DOCK11: variants seen among roughly 807,000 people sequenced by gnomAD.
DOCK11 encodes dedicator of cytokinesis protein 11.
DOCK11 carries 70 observed loss-of-function variants against 169.1 expected under a neutral mutation model. That is an observed-to-expected ratio of 0.41 (90% CI 0.34 to 0.51). The LOEUF (loss-of-function observed/expected upper bound fraction) is 0.51, where lower values mean the gene tolerates loss of function less well. Among genes scored for constraint, DOCK11 ranks in the 20% least tolerant of loss-of-function variants. The probability of loss-of-function intolerance (pLI) is 0.10; values close to 1 mark genes in which losing one functional copy is unlikely to be tolerated. For missense variants in DOCK11, 1,166 were observed against 1,538.8 expected (o/e 0.76, Z 4.05); for synonymous variants, 529 against 541.3 (o/e 0.98, Z 0.32).
chrX:118,586,391 C>T (rs1444331532), intron 16 of DOCK11, among the ~76,000 whole-genome samples: 1 of 110,889 alleles, frequency 9.0e-6, no homozygotes, highest in Non-Finnish European at 1.9e-5. Context: ...TTTGTGGTGG[C>T]AGGCGAGATA....
chrX:118,598,214 C>A, intron 22 of DOCK11, 98 bp downstream of exon 22: 1 of 589,586 alleles, frequency 1.7e-6, no homozygotes, highest in Non-Finnish European at 2.6e-6. Context: ...GAATATGTGA[C>A]CTGCAAGATT....
intron 20 of DOCK11, among the ~76,000 whole-genome samples, chrX:118,593,947 A>G (rs1258614296): frequency 8.9e-6 from 1 of 112,275 alleles, no homozygotes; most frequent in Non-Finnish European, 1.9e-5. Context: ...ATTCTCAAAA[A>G]GAAACACATA....
At chrX:118,544,658 T>A (rs2012181091) in intron 4 of DOCK11, among the ~76,000 whole-genome samples, 1 of 51,581 alleles carries the variant, frequency 1.9e-5, no homozygotes, top group East Asian at 5.1e-4. Flanking sequence ...TTTTTTTTTT[T>A]TTTTTTTTTT....
intron 1 of DOCK11, among the ~76,000 whole-genome samples, chrX:118,528,199 C>T (rs1177704002): frequency 8.9e-6 from 1 of 112,211 alleles, no homozygotes; most frequent in Non-Finnish European, 1.9e-5. Context: ...CCTTGAGGGG[C>T]AGGCCTGAGA....
chrX:118,578,124 G>GAGCAGTAAAGTTTCTTTTTCCTTCTT, intron 12 of DOCK11, among the ~76,000 whole-genome samples: 1 of 112,077 alleles, frequency 8.9e-6, no homozygotes, highest in South Asian at 3.7e-4. Flanking sequence ...TTCTATATTA[G>GAGCAGTAAAGTTTCTTTTTCCTTCTT]AGCAGTAAAG....
Position 118,610,194 on chromosome X carries a change from A to T in DOCK11, c.2950-78A>T, listed in dbSNP as rs753136872. ...GTTTTAAGATATATTTATTTGTAGA[A>T]TGTGTTTGAAAGTAAAAATGGCAAT... is the stretch of plus-strand genomic sequence containing the variant. On this transcript the variant is annotated intron_variant, in intron 27 of 52. Coordinates refer to ENST00000276202, the MANE Select transcript of DOCK11 (RefSeq NM_144658.4). 39 of 969,735 alleles carry T rather than the reference A, an allele frequency of 4.0e-5. No individual in the cohort carries two copies. The African/African-American group carries it at 7.1e-4, about 18-fold the overall frequency. 79.9% of individuals were successfully genotyped at this position (969,735 alleles called of 1,213,427 possible).
chrX:118,627,577 C>T lies in DOCK11; in HGVS notation c.3662C>T (p.Thr1221Ile), dbSNP rs1333019960. 8.3e-7 allele frequency: 1 copy of T among 1,199,767 alleles called. No individual in the cohort carries two copies. ...NRGSLSTDKD[T>I]AYGSFQNGHG... is the part of the protein sequence containing the mutation. ...GGGAGTCTGAGCACTGACAAAGACA[C>T]CGGTAATTAAACCTTTTGGAGATGA... Residue 1221 changes from threonine to isoleucine, a missense_variant and splice_region_variant, in exon 33 of 53, where the codon ACC becomes ATC. Transcript: ENST00000276202.
chrX:118,683,741 G>A (rs2016794243), intron 52 of DOCK11, among the ~76,000 whole-genome samples: 1 of 112,068 alleles, frequency 8.9e-6, no homozygotes, highest in South Asian at 3.7e-4. Context: ...CTGTAATCAA[G>A]ATATTCTGAG....
intron 34 of DOCK11, among the ~76,000 whole-genome samples, chrX:118,628,520 C>T (rs1169120345): frequency 1.8e-5 from 2 of 112,449 alleles, no homozygotes; most frequent in Non-Finnish European, 1.9e-5. Flanking sequence ...TCCTTTAACC[C>T]TAGCACGCTA....
chrX:118,580,537 G>A (rs776910757), intron 14 of DOCK11, among the ~76,000 whole-genome samples: 2 of 111,631 alleles, frequency 1.8e-5, no homozygotes, highest in Admixed American at 9.4e-5. Flanking sequence ...GGCTGGTCTC[G>A]GATTCCTGAC....
At chrX:118,521,358 C>G (rs1399890595) in intron 1 of DOCK11, among the ~76,000 whole-genome samples, 5 of 112,215 alleles carry the variant, frequency 4.5e-5, no homozygotes, top group African/African-American at 1.6e-4. Flanking sequence ...CATGGTCAAC[C>G]CTTTGCATAG....
At chrX:118,612,768 C>T (rs763083214) in intron 28 of DOCK11, among the ~76,000 whole-genome samples, 2 of 111,714 alleles carry the variant, frequency 1.8e-5, no homozygotes, top group East Asian at 2.8e-4. Context: ...AAAAATTGTT[C>T]AGGGACGAGT....
rs762980225 is a variant in DOCK11, at chrX:118,643,500, A to C, written c.4304A>C (p.Lys1435Thr). The part of the protein sequence containing the change: ...NNDGHNPLMK[K>T]VFDIHLAFLK... ...GATGGCCATAACCCATTAATGAAAA[A>C]AGTGTTTGATATACATCTTGCTTTT... Residue 1435 changes from lysine to threonine, a missense_variant, in exon 40 of 53, where the codon AAA (lysine) becomes ACA (threonine). Transcript: ENST00000276202. 2.5e-6 allele frequency: 3 copies of C among 1,208,119 alleles called. No homozygotes were observed. In the African/African-American group the frequency reaches 5.3e-5, roughly 21 times the overall value.
At chrX:118,610,085 C>A (rs1236290855) in intron 27 of DOCK11, among the ~76,000 whole-genome samples, 187 bp from the exon 28 acceptor site, 1 of 111,927 alleles carries the variant, frequency 8.9e-6, no homozygotes, top group African/African-American at 3.3e-5. Flanking sequence ...ATTAGAGATC[C>A]AGATAGTTCC....
intron 10 of DOCK11, among the ~76,000 whole-genome samples, chrX:118,570,288 T>A (rs1419043112): frequency 8.9e-6 from 1 of 112,341 alleles, no homozygotes; most frequent in Non-Finnish European, 1.9e-5. Context: ...CCAACATTTG[T>A]ACTCACAGGC....
chrX:118,540,123 T>TC (rs2011930792), intron 1 of DOCK11, among the ~76,000 whole-genome samples: 2 of 110,402 alleles, frequency 1.8e-5, no homozygotes, highest in Non-Finnish European at 3.8e-5. Flanking sequence ...TTCTTTTTTT[T>TC]CTTTTTCAAA....
intron 14 of DOCK11, among the ~76,000 whole-genome samples, chrX:118,582,043 T>C (rs2013663945): frequency 9.2e-6 from 1 of 109,134 alleles, no homozygotes; most frequent in African/African-American, 3.3e-5. Context: ...GACAGGAGAA[T>C]TGCTTGAACG....
chrX:118,566,225 TC>T (rs2013075420), intron 8 of DOCK11, 43 bp downstream of exon 8: 1 of 1,108,056 alleles, frequency 9.0e-7, no homozygotes. Context: ...AAAGCCCTTG[TC>T]TTTAATCCGT....
rs761984367 is a variant in DOCK11 at position 118,660,296 on chromosome X, CTT to C, written c.4970-2388_4970-2387del. Among the ~76,000 whole-genome samples the C allele has an allele frequency of 6.3e-5, 7 of 111,662 alleles. No homozygotes were observed. In the East Asian group the frequency reaches 1.7e-3, roughly 27 times the overall value. On this transcript the variant is annotated intron_variant, in intron 44 of 52. Coordinates refer to ENST00000276202, the MANE Select transcript of DOCK11 (RefSeq NM_144658.4). ...TGACTTGTTCCTTTTAATAGAAAGA[CTT>C]TGTTGAAGAAGGAAATGAGGAATTG...
Sources: allele counts gnomAD v4.1 joint callset (sites outside exome capture counted in the v4.1 genomes callset), GRCh38; gene constraint gnomAD v4.1.1; transcripts MANE v1.5; gene names NCBI Gene and HGNC (gene_info 2026-07-23, HGNC 2026-07-21).